The following PDE4D variants were observed in gnomAD, a reference collection of about 807,000 sequenced individuals.
PDE4D encodes phosphodiesterase 4D.
PDE4D carries 24 observed loss-of-function variants against 87.4 expected under a neutral mutation model. The observed-to-expected ratio is 0.27, with a 90% CI of 0.20 to 0.39. The LOEUF (loss-of-function observed/expected upper bound fraction) is 0.39, where lower values mean the gene tolerates loss of function less well. Among genes scored for constraint, PDE4D ranks in the 10% least tolerant of loss-of-function variants. PDE4D has a pLI of 1.00. For synonymous variants in PDE4D, 384 were observed against 383.2 expected (o/e 1.00, Z -0.02); for missense variants, 714 against 1,041.0 (o/e 0.69, Z 4.32).
At chr5:59,264,458 T>A (rs1725032609) in intron 1 of PDE4D, among the ~76,000 whole-genome samples, 1 of 152,056 alleles carries the variant, frequency 6.6e-6, no homozygotes, top group South Asian at 2.1e-4. Flanking sequence ...GTTACACGAA[T>A]ACCTTTAAAA....
At chr5:60,232,701 T>A (rs1193562752) in intron 1 of PDE4D, among the ~76,000 whole-genome samples, 2 of 151,840 alleles carry the variant, frequency 1.3e-5, no homozygotes, top group Non-Finnish European at 2.9e-5. Context: ...GTCAGTGTGG[T>A]TCTAACTGTT....
intron 1 of PDE4D, among the ~76,000 whole-genome samples, chr5:59,821,944 T>C (rs1283441226): frequency 6.6e-6 from 1 of 152,218 alleles, no homozygotes; most frequent in Non-Finnish European, 1.5e-5. Flanking sequence ...CCTTGTCTAA[T>C]CTTAATATTG....
chr5:60,361,833 T>C (rs1185098538), intron 1 of PDE4D, among the ~76,000 whole-genome samples: 5 of 152,186 alleles, frequency 3.3e-5, no homozygotes, highest in Non-Finnish European at 7.3e-5. Flanking sequence ...ATTGTTGTTG[T>C]TTAATCCACA....
chr5:59,315,077 A>T (rs1561940570), intron 1 of PDE4D, among the ~76,000 whole-genome samples: 1 of 151,786 alleles, frequency 6.6e-6, no homozygotes, highest in Non-Finnish European at 1.5e-5. Flanking sequence ...GCTGGCAGAA[A>T]CCCCTCTCAC....
At chr5:59,901,894 T>C (rs1332713227) in intron 3 of PDE4D, among the ~76,000 whole-genome samples, 1 of 149,408 alleles carries the variant, frequency 6.7e-6, no homozygotes, top group Non-Finnish European at 1.5e-5. Flanking sequence ...TACTCCTGGG[T>C]ACACAGCACA....
chr5:59,679,426 T>A (rs534089113), intron 1 of PDE4D, among the ~76,000 whole-genome samples: 12 of 152,298 alleles, frequency 7.9e-5, no homozygotes, highest in African/African-American at 2.6e-4. Context: ...AAATAGGTAA[T>A]CAGATATATC....
chr5:59,751,539 A>T lies in PDE4D; in HGVS notation c.455+141629T>A, dbSNP rs958502603. Among the ~76,000 whole-genome samples, 12 of 150,158 alleles carry T rather than the reference A, an allele frequency of 8.0e-5. No homozygotes were observed. The East Asian group carries it at 2.3e-3, about 29-fold the overall frequency. On this transcript the variant is annotated intron_variant, in intron 1 of 14. Transcript: ENST00000340635. ...TGGAGTGAAGCTGTTAGGAAAGATAACATCATCATGTTTCTTTTATACATA... is the reference window on the plus strand; with the variant it reads ...TGGAGTGAAGCTGTTAGGAAAGATATCATCATCATGTTTCTTTTATACATA...
At chr5:59,393,532 C>T (rs772555199) in intron 1 of PDE4D, among the ~76,000 whole-genome samples, 33 of 152,132 alleles carry the variant, frequency 2.2e-4, no homozygotes, top group South Asian at 4.1e-4. Context: ...TGCATGCATC[C>T]TACCTTTCTC....
chr5:60,211,688 C>G (rs1583088792), intron 1 of PDE4D, among the ~76,000 whole-genome samples: 1 of 151,324 alleles, frequency 6.6e-6, no homozygotes, highest in Non-Finnish European at 1.5e-5. Context: ...AAATGAAAAA[C>G]AGAAAAGAGA....
At chr5:60,503,056 A>T (rs193239880) in intron 1 of PDE4D, among the ~76,000 whole-genome samples, 597 of 152,250 alleles carry the variant, frequency 3.9e-3, no homozygotes, top group Non-Finnish European at 6.9e-3. Context: ...CACTGAACTA[A>T]GCTACTGAAG....
intron 5 of PDE4D, among the ~76,000 whole-genome samples, chr5:59,091,541 A>G (rs1026237777): frequency 6.6e-6 from 1 of 152,158 alleles, no homozygotes; most frequent in Non-Finnish European, 1.5e-5. Flanking sequence ...ACACAGGAGT[A>G]TCTACAAGAT....
intron 7 of PDE4D, 72 bp downstream of exon 7, chr5:58,993,300 C>T (rs1748359329): frequency 1.1e-5 from 9 of 824,736 alleles, no homozygotes; most frequent in Non-Finnish European, 1.7e-5. Flanking sequence ...GAGTTGGCAC[C>T]CCAATCCTCC....
chr5:60,146,590 G>T (rs1781019493), intron 2 of PDE4D, among the ~76,000 whole-genome samples: 1 of 152,042 alleles, frequency 6.6e-6, no homozygotes, highest in African/African-American at 2.4e-5. Context: ...TCAATACAAA[G>T]GTGTATTAAG....
At chr5:59,964,856 T>C (rs962270511) in intron 3 of PDE4D, among the ~76,000 whole-genome samples, 39 of 152,186 alleles carry the variant, frequency 2.6e-4, no homozygotes, top group African/African-American at 9.4e-4. Context: ...GACGTCTGTA[T>C]CCTGTGTACC....
chr5:59,539,320 T>A (rs370558225), intron 1 of PDE4D, among the ~76,000 whole-genome samples: 2 of 152,172 alleles, frequency 1.3e-5, no homozygotes, highest in Non-Finnish European at 2.9e-5. Context: ...TGGAGGGTAG[T>A]GCATAATAAC....
chr5:59,038,082 A>C (rs1280761997), intron 6 of PDE4D, among the ~76,000 whole-genome samples: 3 of 152,204 alleles, frequency 2.0e-5, no homozygotes, highest in Non-Finnish European at 2.9e-5. Flanking sequence ...TTGCATAACT[A>C]AAGACAAAAA....
At position 58,972,957 on chromosome 5, in the gene PDE4D, T is replaced by A. The variant is rs949736583; in HGVS notation, c.*1707A>T. 1 of 152,160 alleles carries A rather than the reference T, an allele frequency of 6.6e-6. No individual in the cohort carries two copies. Among genetic ancestry groups the A allele is most frequent in the Admixed American group, 6.6e-5 (1 of 15,264 alleles). The allele number at this position is 152,160 out of a possible 1,614,324, so 9.4% of individuals were successfully genotyped here. On this transcript the variant is annotated 3_prime_UTR_variant, in exon 15 of 15. Coordinates refer to ENST00000340635, the MANE Select transcript of PDE4D (RefSeq NM_001104631.2). The stretch of plus-strand genomic sequence containing the variant: ...CATCATCTTCTTTCCCTCCATGTGT[T>A]TAAAGAAGTAGTTCCCCTCTGCAAG...
chr5:60,401,299 AG>A (rs1171501618), intron 1 of PDE4D, among the ~76,000 whole-genome samples: 2 of 152,234 alleles, frequency 1.3e-5, no homozygotes, highest in Non-Finnish European at 2.9e-5. Flanking sequence ...TTTTATGGTT[AG>A]GCTTTTGATG....
intron 2 of PDE4D, among the ~76,000 whole-genome samples, chr5:60,093,972 T>C (rs981335742): frequency 3.3e-5 from 5 of 152,322 alleles, no homozygotes; most frequent in Non-Finnish European, 7.4e-5. Flanking sequence ...TTGAGTTTTT[T>C]CCTAAACTTT....
Sources: allele counts gnomAD v4.1 joint callset (sites outside exome capture counted in the v4.1 genomes callset), GRCh38; gene constraint gnomAD v4.1.1; transcripts MANE v1.5; gene names NCBI Gene and HGNC (gene_info 2026-07-23, HGNC 2026-07-21).